The following POU2F1 variants were observed in gnomAD, a reference collection of about 807,000 sequenced individuals.
The protein encoded by POU2F1 is POU class 2 homeobox 1, also known as POU domain, class 2, transcription factor 1.
In POU2F1, 16 loss-of-function variants were observed where a neutral mutation model predicts 84.9. The observed-to-expected ratio is 0.19, with a 90% CI of 0.13 to 0.29. The LOEUF (loss-of-function observed/expected upper bound fraction) is 0.29, where lower values mean the gene tolerates loss of function less well. POU2F1 is among the 10% of genes least tolerant of loss of function. POU2F1 has a pLI of 1.00. For missense variants in POU2F1, 738 were observed against 942.6 expected, an observed-to-expected ratio of 0.78 and a Z score of 2.84; for synonymous variants, 368 against 368.3, an observed-to-expected ratio of 1.00 and a Z score of 0.01.
chr1:167,354,198 CT>C (rs777929334), intron 2 of POU2F1, among the ~76,000 whole-genome samples: 31 of 152,160 alleles, frequency 2.0e-4, no homozygotes, highest in Non-Finnish European at 4.1e-4. Context: ...TATTTCTAGG[CT>C]TTTGCTATTA....
At chr1:167,285,122 CA>C (rs1653425448) in intron 1 of POU2F1, among the ~76,000 whole-genome samples, 1 of 152,168 alleles carries the variant, frequency 6.6e-6, no homozygotes, top group Non-Finnish European at 1.5e-5. Flanking sequence ...ACTTGTATAG[CA>C]TTTGTATTAG....
chr1:167,414,656 C>T, intron 15 of POU2F1: 1 of 985,308 alleles, frequency 1.0e-6, no homozygotes, highest in Non-Finnish European at 1.2e-6. Context: ...TAGAAAATTT[C>T]TCACCCATTA....
At chr1:167,380,347 A>G (rs190575269) in intron 7 of POU2F1, 1 of 152,224 alleles carries the variant, frequency 6.6e-6, no homozygotes, top group Non-Finnish European at 1.5e-5. Context: ...ACCTTTCTAA[A>G]TCTTTGCTGC....
chr1:167,358,689 T>G (rs1464639575), intron 2 of POU2F1, among the ~76,000 whole-genome samples: 1 of 150,128 alleles, frequency 6.7e-6, no homozygotes, highest in East Asian at 2.0e-4. Flanking sequence ...CTTCACAATA[T>G]ATTCTTAATC....
At chr1:167,350,515 AT>A (rs909217276) in intron 2 of POU2F1, among the ~76,000 whole-genome samples, 5 of 151,756 alleles carry the variant, frequency 3.3e-5, no homozygotes. Context: ...CAAAAGACAG[AT>A]TTTTTTTCTC....
chr1:167,316,284 A>G (rs910540986), intron 1 of POU2F1, among the ~76,000 whole-genome samples: 2 of 152,354 alleles, frequency 1.3e-5, no homozygotes, highest in South Asian at 4.1e-4. Context: ...GAAATTAATG[A>G]ATGGTACATG....
In POU2F1 at chr1:167,221,008, C is replaced by G. The variant is rs921523749; in HGVS notation, c.61+50C>G. 5 of 1,431,802 alleles carry G rather than the reference C, an allele frequency of 3.5e-6. No homozygotes were observed. In the African/African-American group the frequency reaches 7.1e-5, roughly 20 times the overall value. The allele number at this position is 1,431,802 out of a possible 1,614,324, so 88.7% of individuals were successfully genotyped here. A position where few individuals can be genotyped will look rare whatever the true frequency, so the allele number is the denominator to read the frequency against. ...TTCATATTCATACTCAACCCCGGCT[C>G]CCGCTGCCCCCCCCCGCGACTTAGC... On this transcript the variant is annotated intron_variant, in intron 1 of 15. Coordinates refer to ENST00000367866, the MANE Select transcript of POU2F1 (RefSeq NM_002697.4).
intron 2 of POU2F1, among the ~76,000 whole-genome samples, chr1:167,358,122 C>CTTTTTTTTTTTTTTTTTT (rs763521021): frequency 1.0e-5 from 1 of 97,192 alleles, no homozygotes; most frequent in African/African-American, 4.4e-5. Flanking sequence ...TTTTTCTTTT[C>CTTTTTTTTTTTTTTTTTT]TTTTTTTTTT....
At chr1:167,299,055 C>T (rs780627397) in intron 1 of POU2F1, among the ~76,000 whole-genome samples, 2 of 149,870 alleles carry the variant, frequency 1.3e-5, no homozygotes, top group Non-Finnish European at 3.0e-5. Flanking sequence ...CCCAGCTTCT[C>T]GGGAAGCTGA....
intron 15 of POU2F1, 84 bp downstream of exon 15, chr1:167,413,198 A>G: frequency 8.2e-7 from 1 of 1,225,598 alleles, no homozygotes; most frequent in Non-Finnish European, 1.2e-6. Context: ...TGCTTGAGAC[A>G]GAGATAGAGG....
intron 1 of POU2F1, among the ~76,000 whole-genome samples, chr1:167,297,599 G>T (rs955377839): frequency 6.6e-6 from 1 of 152,170 alleles, no homozygotes; most frequent in African/African-American, 2.4e-5. Context: ...TTGAAATGCA[G>T]TTCACTTCTG....
intron 2 of POU2F1, among the ~76,000 whole-genome samples, chr1:167,333,507 C>T (rs1317009381): frequency 6.6e-6 from 1 of 152,132 alleles, no homozygotes; most frequent in Non-Finnish European, 1.5e-5. Context: ...GAGAGGCACT[C>T]TTAATTTGTG....
intron 1 of POU2F1, among the ~76,000 whole-genome samples, chr1:167,269,755 A>G (rs1290060207): frequency 6.6e-6 from 1 of 152,164 alleles, no homozygotes; most frequent in Non-Finnish European, 1.5e-5. Context: ...TCTACTAAAA[A>G]TACAAAAATT....
intron 1 of POU2F1, among the ~76,000 whole-genome samples, chr1:167,330,186 C>T (rs2101723753): frequency 6.6e-6 from 1 of 152,254 alleles, no homozygotes; most frequent in South Asian, 2.1e-4. Context: ...AACTCCGGGA[C>T]TTGGATATCT....
chr1:167,404,588 T>G (rs1184062956), intron 13 of POU2F1, among the ~76,000 whole-genome samples: 1 of 152,198 alleles, frequency 6.6e-6, no homozygotes, highest in East Asian at 1.9e-4. Context: ...AGTAGGTGAC[T>G]TTGGTTCTGT....
chr1:167,337,019 T>A (rs1657508931), intron 2 of POU2F1, among the ~76,000 whole-genome samples: 1 of 151,958 alleles, frequency 6.6e-6, no homozygotes, highest in African/African-American at 2.4e-5. Context: ...TACAAAAAAA[T>A]TAGCCGGGCA....
chr1:167,242,745 A>C (rs1650002120), intron 1 of POU2F1, among the ~76,000 whole-genome samples: 1 of 152,162 alleles, frequency 6.6e-6, no homozygotes, highest in Admixed American at 6.5e-5. Context: ...GAAATGAAGA[A>C]CCTTCCAGAG....
chr1:167,391,475 TGGTA>T (rs1194456245), intron 9 of POU2F1, among the ~76,000 whole-genome samples: 1 of 150,934 alleles, frequency 6.6e-6, no homozygotes, highest in Non-Finnish European at 1.5e-5. Flanking sequence ...CCACCTGGCC[TGGTA>T]GGTCAAAATC....
intron 8 of POU2F1, among the ~76,000 whole-genome samples, chr1:167,388,956 T>A (rs1648186233): frequency 6.6e-6 from 1 of 152,228 alleles, no homozygotes; most frequent in African/African-American, 2.4e-5. Flanking sequence ...TGTCTTGCTC[T>A]GTTAAAACAA....
Sources: gnomAD v4.1 joint callset for allele counts (sites outside exome capture counted in the v4.1 genomes callset) on GRCh38, gnomAD v4.1.1 for gene constraint, MANE v1.5 for transcripts, NCBI Gene and HGNC (gene_info 2026-07-23, HGNC 2026-07-21) for gene names.